The following NPY variants were observed in gnomAD, a reference collection of about 807,000 sequenced individuals.
NPY encodes neuropeptide Y, also known as pro-neuropeptide Y.
Under a neutral mutation model 13.2 loss-of-function variants are expected in NPY, and 11 were observed. The observed-to-expected ratio is 0.83, with a 90% CI of 0.52 to 1.38. NPY has a LOEUF of 1.38. NPY is among the 40% of genes most tolerant of loss of function. The pLI is 0.00. For missense variants in NPY, 109 were observed against 125.1 expected (o/e 0.87, Z 0.61); for synonymous variants, 51 against 55.6 (o/e 0.92, Z 0.37).
At position 24,285,148 on chromosome 7, in the gene NPY, C is replaced by A; in HGVS notation, c.1-93C>A. 1.5e-6 allele frequency: 2 copies of A among 1,318,004 alleles called. No homozygotes were observed. Among genetic ancestry groups the A allele is most frequent in the Non-Finnish European group, 2.2e-6 (2 of 924,918 alleles). The allele number at this position is 1,318,004 out of a possible 1,614,324, so 81.6% of individuals were successfully genotyped here. A position where few individuals can be genotyped will look rare whatever the true frequency, so the allele number is the denominator to read the frequency against. Reference sequence around the variant, plus strand: ...GCGGATTGGGGGTCGCGTGTGGTAGCAGGAGGAGGAGCGCGGGGGGCAGAG... The same window carrying A: ...GCGGATTGGGGGTCGCGTGTGGTAGAAGGAGGAGGAGCGCGGGGGGCAGAG... On this transcript the variant is annotated intron_variant, in intron 1 of 3. Coordinates refer to ENST00000242152, the MANE Select transcript of NPY (RefSeq NM_000905.4). The surrounding 1 kb of genome is among the most constrained non-coding windows in gnomAD (Gnocchi z 4.9).
chr7:24,290,775 A>AATAATAATTATTATT (rs10701264), intron 3 of NPY, among the ~76,000 whole-genome samples: 2,495 of 129,608 alleles, frequency 0.019, 61 homozygotes, highest in African/African-American at 0.047. Flanking sequence ...TAATAATAAT[A>AATAATAATTATTATT]ATTATTATTA....
Position 24,289,567 on chromosome 7 carries a change from T to A in NPY, c.257T>A (p.Val86Asp), listed in dbSNP as rs931762615. The A allele has an allele frequency of 6.2e-6, 10 of 1,610,006 alleles. No individual in the cohort carries two copies. The highest frequency in any genetic ancestry group is 2.7e-5 in the African/African-American group (2 of 74,646). ...DLLMRESTEN[V>D]PRTRLEDPAM... ...TTGATGAGAGAAAGCACAGAAAATG[T>A]TCCCAGAACTCGGTATGACAAGGCT... Residue 86 changes from valine (V) to aspartate (D), a missense_variant, in exon 3 of 4, where the codon GTT (valine) becomes GAT (aspartate). Coordinates refer to ENST00000242152, the MANE Select transcript of NPY (RefSeq NM_000905.4).
rs1787302494 is a variant in NPY at position 24,285,005 on chromosome 7, A to G, written c.1-236A>G. The G allele has an allele frequency of 3.5e-6, 2 of 578,682 alleles. No individual in the cohort carries two copies. The highest frequency in any genetic ancestry group is 3.1e-5 in the Admixed American group (1 of 32,562). The allele number at this position is 578,682 out of a possible 1,614,324, so 35.8% of individuals were successfully genotyped here. A position where few individuals can be genotyped will look rare whatever the true frequency, so the allele number is the denominator to read the frequency against. On this transcript the variant is annotated intron_variant, in intron 1 of 3. Coordinates refer to ENST00000242152, the MANE Select transcript of NPY (RefSeq NM_000905.4). The surrounding 1 kb of genome is among the most constrained non-coding windows in gnomAD (Gnocchi z 4.9). ...CGCTTCTTGGTCCCTGAGACTTCGA[A>G]CGAAGTTGCGCGAAGTTTTCAGGTG...
In NPY at chr7:24,291,710, G is replaced by A; in HGVS notation, c.*23G>A. 3 of 1,613,954 alleles carry A rather than the reference G, an allele frequency of 1.9e-6. No homozygotes were observed. The highest frequency in any genetic ancestry group is 8.5e-7 in the Non-Finnish European group (1 of 1,179,904). ...TGATGGGAAATGAGACTTGCTCTCTGGCCTTTTCCTATTTTCAGCCCATAT... is the reference window on the plus strand; with the variant it reads ...TGATGGGAAATGAGACTTGCTCTCTAGCCTTTTCCTATTTTCAGCCCATAT... On this transcript the variant is annotated 3_prime_UTR_variant, in exon 4 of 4. Transcript: ENST00000242152.
chr7:24,285,344 A>G lies in NPY; in HGVS notation c.104A>G (p.Asn35Ser). 1 of 1,614,000 alleles carries G rather than the reference A, an allele frequency of 6.2e-7. No individual in the cohort carries two copies. Among genetic ancestry groups the G allele is most frequent in the South Asian group, 1.1e-5 (1 of 91,080 alleles). ...GAGGCGTACCCCTCCAAGCCGGACA[A>G]CCCGGGCGAGGACGCACCAGCGGAG... ...LAEAYPSKPDNPGEDAPAEDM... is the reference protein window; with the variant it reads ...LAEAYPSKPDSPGEDAPAEDM... Residue 35 changes from asparagine to serine, a missense_variant, in exon 2 of 4, where the codon AAC becomes AGC. Coordinates refer to ENST00000242152, the MANE Select transcript of NPY (RefSeq NM_000905.4). The surrounding 1 kb of genome is among the most constrained non-coding windows in gnomAD (Gnocchi z 4.9).
At chr7:24,287,897 C>G (rs918903834) in intron 2 of NPY, among the ~76,000 whole-genome samples, 1 of 152,196 alleles carries the variant, frequency 6.6e-6, no homozygotes, top group Non-Finnish European at 1.5e-5. Flanking sequence ...ATCAGACCCT[C>G]TGGGATGGGG....
intron 3 of NPY, among the ~76,000 whole-genome samples, chr7:24,289,839 T>G (rs1787536458): frequency 6.6e-6 from 1 of 152,196 alleles, no homozygotes; most frequent in African/African-American, 2.4e-5. Context: ...AATAATTGAC[T>G]TTTAACTTAG....
chr7:24,288,750 G>A (rs1048057024), intron 2 of NPY, among the ~76,000 whole-genome samples: 12 of 151,204 alleles, frequency 7.9e-5, no homozygotes, highest in African/African-American at 2.9e-4. Context: ...TAGACTTACA[G>A]GGAGGCTAAA....
chr7:24,284,992 C>T lies in NPY; in HGVS notation c.1-249C>T, dbSNP rs145949551. 1.7e-3 allele frequency: 989 copies of T among 571,156 alleles called. 7 individuals are homozygous for T. Among genetic ancestry groups the T allele is most frequent in the African/African-American group, 0.017 (882 of 53,084 alleles). 35.4% of individuals were successfully genotyped at this position (571,156 alleles called of 1,614,324 possible). ...CACTCTCGCCGCGCGCTTCTTGGTCCCTGAGACTTCGAACGAAGTTGCGCG... is the reference window on the plus strand; with the variant it reads ...CACTCTCGCCGCGCGCTTCTTGGTCTCTGAGACTTCGAACGAAGTTGCGCG... On this transcript the variant is annotated intron_variant, in intron 1 of 3. Transcript: ENST00000242152.
rs1347353614 is a variant in NPY at position 24,285,314 on chromosome 7, T to C, written c.74T>C (p.Leu25Pro). Residue 25 changes from leucine (L) to proline (P), a missense_variant, in exon 2 of 4, where the codon CTG becomes CCG. By Grantham distance (98) the Leu-to-Pro change is moderately conservative. Coordinates refer to ENST00000242152, the MANE Select transcript of NPY (RefSeq NM_000905.4). The surrounding 1 kb of genome is among the most constrained non-coding windows in gnomAD (Gnocchi z 4.9). ...ALSLLVCLGA[L>P]AEAYPSKPDN... The stretch of plus-strand genomic sequence containing the variant: ...TCCCTGCTCGTGTGCCTGGGTGCGC[T>C]GGCCGAGGCGTACCCCTCCAAGCCG... 1 of 1,614,008 alleles carries C rather than the reference T, an allele frequency of 6.2e-7. No homozygotes were observed. The highest frequency in any genetic ancestry group is 8.5e-7 in the Non-Finnish European group (1 of 1,180,008).
chr7:24,285,334 A>C lies in NPY; in HGVS notation c.94A>C (p.Lys32Gln). The C allele has an allele frequency of 6.2e-7, 1 of 1,613,974 alleles. No individual in the cohort carries two copies. The highest frequency in any genetic ancestry group is 8.5e-7 in the Non-Finnish European group (1 of 1,180,000). ...LGALAEAYPS[K>Q]PDNPGEDAPA... ...TGCGCTGGCCGAGGCGTACCCCTCC[A>C]AGCCGGACAACCCGGGCGAGGACGC... Residue 32 changes from lysine to glutamine, a missense_variant, in exon 2 of 4, where the codon AAG (lysine) becomes CAG (glutamine). By Grantham distance (53) the Lys-to-Gln change is moderately conservative. Coordinates refer to ENST00000242152, the MANE Select transcript of NPY (RefSeq NM_000905.4). This position sits in a 1 kb window ranked among gnomAD's most constrained non-coding sequence, Gnocchi z 4.9.
At chr7:24,287,514 C>A (rs1206544981) in intron 2 of NPY, among the ~76,000 whole-genome samples, 1 of 151,430 alleles carries the variant, frequency 6.6e-6, no homozygotes, top group Non-Finnish European at 1.5e-5. Flanking sequence ...TATATATACC[C>A]CTGGCTCATT....
In NPY at chr7:24,284,308, G is replaced by A. The variant is rs189199081; in HGVS notation, c.-1+33G>A. The stretch of plus-strand genomic sequence containing the variant: ...CTACGACCCGTCTGTCTAGGGGTGG[G>A]AGCGAACGGGGCGCCCGCGAACTTG... On this transcript the variant is annotated intron_variant, in intron 1 of 3. Transcript: ENST00000242152. 873 of 152,984 alleles carry A rather than the reference G, an allele frequency of 5.7e-3. 14 individuals are homozygous for A. The highest frequency in any genetic ancestry group is 7.5e-3 in the South Asian group (36 of 4,826). The allele number at this position is 152,984 out of a possible 1,614,324, so 9.5% of individuals were successfully genotyped here.
At chr7:24,284,500 C>T (rs1019870452) in intron 1 of NPY, among the ~76,000 whole-genome samples, 1 of 152,212 alleles carries the variant, frequency 6.6e-6, no homozygotes, top group African/African-American at 2.4e-5. Context: ...GCCCTTCTCC[C>T]GGGCCCTTCC....
At chr7:24,284,974 G>A in intron 1 of NPY, 1 of 549,604 alleles carries the variant, frequency 1.8e-6, no homozygotes, top group African/African-American at 1.9e-5. Flanking sequence ...TTGCACTCTC[G>A]CCGCGCGCTT....
At chr7:24,288,564 C>T (rs899054914) in intron 2 of NPY, among the ~76,000 whole-genome samples, 1 of 151,598 alleles carries the variant, frequency 6.6e-6, no homozygotes, top group Non-Finnish European at 1.5e-5. Context: ...CTTCAAAAGA[C>T]GCAATTTGGT....
intron 3 of NPY, 28 bp downstream of exon 3, chr7:24,289,607 T>G (rs1787526470): frequency 6.3e-7 from 1 of 1,580,972 alleles, no homozygotes; most frequent in Admixed American, 1.7e-5. Flanking sequence ...ATGGGGACAT[T>G]GTTGCAGAGC....
chr7:24,285,122 A>G lies in NPY; in HGVS notation c.1-119A>G. On this transcript the variant is annotated intron_variant, in intron 1 of 3. Coordinates refer to ENST00000242152, the MANE Select transcript of NPY (RefSeq NM_000905.4). The surrounding 1 kb of genome is among the most constrained non-coding windows in gnomAD (Gnocchi z 4.9). Reference sequence around the variant, plus strand: ...GTTCTCTCTGCGGGACTGGGACGAGAGCGGATTGGGGGTCGCGTGTGGTAG... The same window carrying G: ...GTTCTCTCTGCGGGACTGGGACGAGGGCGGATTGGGGGTCGCGTGTGGTAG... 9.5e-7 allele frequency: 1 copy of G among 1,049,838 alleles called. No individual in the cohort carries two copies. The highest frequency in any genetic ancestry group is 1.5e-5 in the African/African-American group (1 of 64,522). The allele number at this position is 1,049,838 out of a possible 1,614,324, so 65.0% of individuals were successfully genotyped here. A position where few individuals can be genotyped will look rare whatever the true frequency, so the allele number is the denominator to read the frequency against.
At chr7:24,288,755 G>T (rs958824646) in intron 2 of NPY, among the ~76,000 whole-genome samples, 1 of 151,658 alleles carries the variant, frequency 6.6e-6, no homozygotes, top group Admixed American at 6.6e-5. Context: ...TTACAGGGAG[G>T]CTAAAATCAC....
Sources: gnomAD v4.1 joint callset for allele counts (sites outside exome capture counted in the v4.1 genomes callset) on GRCh38, gnomAD v4.1.1 for gene constraint, Gnocchi (gnomAD v3.1) non-coding constraint, MANE v1.5 for transcripts, NCBI Gene and HGNC (gene_info 2026-07-23, HGNC 2026-07-21) for gene names.